Variants in RABGAP1L observed in about 807,000 individuals in gnomAD.
RABGAP1L encodes the protein rab GTPase-activating protein 1-like.
A neutral mutation model predicts 137.7 loss-of-function variants in RABGAP1L; 63 were observed. The ratio of observed to expected loss-of-function variants is 0.46; its 90% CI spans 0.37 to 0.56. The LOEUF is 0.56. Among genes scored for constraint, RABGAP1L ranks in the 20% least tolerant of loss-of-function variants. RABGAP1L has a pLI of 0.00. For missense variants in RABGAP1L, 1,095 were observed against 1,244.0 expected, an observed-to-expected ratio of 0.88 and a Z score of 1.80; for synonymous variants, 431 against 433.7, an observed-to-expected ratio of 0.99 and a Z score of 0.08.
chr1:174,406,092 T>C (rs1007043299), intron 13 of RABGAP1L, among the ~76,000 whole-genome samples: 1 of 152,176 alleles, frequency 6.6e-6, no homozygotes, highest in Non-Finnish European at 1.5e-5. Flanking sequence ...TATATTTGCT[T>C]ATGGTTAATT....
intron 19 of RABGAP1L, among the ~76,000 whole-genome samples, chr1:174,933,052 CAG>C (rs1664110262): frequency 6.6e-6 from 1 of 152,126 alleles, no homozygotes. Flanking sequence ...TCTCAGCAGA[CAG>C]AACTAGGGAC....
At chr1:174,892,812 C>T (rs1379337801) in intron 19 of RABGAP1L, 7 of 296,930 alleles carry the variant, frequency 2.4e-5, no homozygotes, top group Non-Finnish European at 3.9e-5. Context: ...TCACTGCAAC[C>T]TCCGCCTCCC....
At chr1:174,500,906 A>G (rs1256845134) in intron 13 of RABGAP1L, among the ~76,000 whole-genome samples, 1 of 152,140 alleles carries the variant, frequency 6.6e-6, no homozygotes, top group Non-Finnish European at 1.5e-5. Context: ...AATCATTGAG[A>G]CTGTCTTTTT....
At position 174,605,232 on chromosome 1, in the gene RABGAP1L, C is replaced by T. The variant is rs1342876010; in HGVS notation, c.1711-32143C>T. 2.6e-5 allele frequency among the ~76,000 whole-genome samples: 4 copies of T among 152,280 alleles called. No individual in the cohort carries two copies. In the East Asian group the frequency reaches 7.7e-4, roughly 29 times the overall value. ...GTTTGATGGGAGGAATGAGCAGGAA[C>T]ACTTGTCATGGTGAGGAGGGACCCT... On this transcript the variant is annotated intron_variant, in intron 13 of 25. Transcript: ENST00000681986.
intron 1 of RABGAP1L, among the ~76,000 whole-genome samples, chr1:174,193,866 G>C (rs1367489221): frequency 6.6e-6 from 1 of 152,148 alleles, no homozygotes; most frequent in Non-Finnish European, 1.5e-5. Flanking sequence ...CATATACATA[G>C]TTAAATGATT....
intron 19 of RABGAP1L, among the ~76,000 whole-genome samples, chr1:174,824,100 G>T (rs1691321330): frequency 6.6e-6 from 1 of 152,028 alleles, no homozygotes; most frequent in South Asian, 2.1e-4. Context: ...GACCAGCTTG[G>T]CCAACAGGGT....
intron 13 of RABGAP1L, among the ~76,000 whole-genome samples, chr1:174,590,132 T>C (rs1392946775): frequency 5.2e-5 from 6 of 114,846 alleles, no homozygotes; most frequent in East Asian, 8.3e-4. Context: ...TCTTTTTTTT[T>C]TTTTTTTTTT....
chr1:174,800,259 C>T lies in RABGAP1L; in HGVS notation c.2212-11573C>T, dbSNP rs1027013814. 6.1e-6 allele frequency: 9 copies of T among 1,470,646 alleles called. No individual in the cohort carries two copies. In the African/African-American group the frequency reaches 7.1e-5, roughly 12 times the overall value. The allele number at this position is 1,470,646 out of a possible 1,614,324, so 91.1% of individuals were successfully genotyped here. ...CTCCCAGGGAGACCTAAACCTGGCT[C>T]CCCTCCCACCGCAGTTCTTAATATT... On this transcript the variant is annotated intron_variant, in intron 18 of 25. Transcript: ENST00000681986.
chr1:174,807,326 T>G (rs1689408322), intron 18 of RABGAP1L, among the ~76,000 whole-genome samples: 1 of 152,162 alleles, frequency 6.6e-6, no homozygotes, highest in African/African-American at 2.4e-5. Flanking sequence ...TACACATACA[T>G]ATGTACGAAT....
At chr1:174,656,232 G>A (rs1052772451) in intron 14 of RABGAP1L, among the ~76,000 whole-genome samples, 1 of 152,172 alleles carries the variant, frequency 6.6e-6, no homozygotes, top group East Asian at 1.9e-4. Flanking sequence ...CACGGCGGGT[G>A]GATGACCTGA....
intron 18 of RABGAP1L, among the ~76,000 whole-genome samples, chr1:174,752,763 A>G (rs971046017): frequency 6.6e-6 from 1 of 152,202 alleles, no homozygotes; most frequent in African/African-American, 2.4e-5. Context: ...TTTATAATAT[A>G]CTGACTAAAA....
At chr1:174,925,317 C>CAGCCT (rs1372230375) in intron 19 of RABGAP1L, among the ~76,000 whole-genome samples, 1 of 134,376 alleles carries the variant, frequency 7.4e-6, no homozygotes, top group African/African-American at 2.8e-5. Context: ...CACTGCACTC[C>CAGCCT]AGCCTGGGAG....
At chr1:174,171,926 G>T (rs967701567) in intron 1 of RABGAP1L, among the ~76,000 whole-genome samples, 1 of 152,046 alleles carries the variant, frequency 6.6e-6, no homozygotes, top group Non-Finnish European at 1.5e-5. Flanking sequence ...GTTTTAACCC[G>T]GGAGGCGGAG....
chr1:174,296,829 C>T (rs926943751), intron 10 of RABGAP1L, among the ~76,000 whole-genome samples: 7 of 152,092 alleles, frequency 4.6e-5, no homozygotes, highest in Non-Finnish European at 7.4e-5. Flanking sequence ...GCTATTATTT[C>T]TTCTCCTGTT....
At chr1:174,652,535 A>C (rs1168576770) in intron 14 of RABGAP1L, among the ~76,000 whole-genome samples, 1 of 151,956 alleles carries the variant, frequency 6.6e-6, no homozygotes, top group African/African-American at 2.4e-5. Flanking sequence ...TCTGTTTGTT[A>C]GTTTTCCTCT....
At chr1:174,816,434 C>G (rs1180567708) in intron 19 of RABGAP1L, among the ~76,000 whole-genome samples, 9 of 152,118 alleles carry the variant, frequency 5.9e-5, no homozygotes, top group Non-Finnish European at 1.3e-4. Flanking sequence ...GCGTGAGCCA[C>G]CACACCAGGC....
rs1013237577 is a variant in RABGAP1L, at chr1:174,464,821, A to G, written c.1710+70676A>G. ...CTTCTTTTTTTGAATCTTTATGTAT[A>G]GTTTTATTATATTCTCTATGTGCTT... On this transcript the variant is annotated intron_variant, in intron 13 of 25. Coordinates refer to ENST00000681986, the MANE Select transcript of RABGAP1L (RefSeq NM_001366446.1). Among the ~76,000 whole-genome samples, 3 of 151,396 alleles carry G rather than the reference A, an allele frequency of 2.0e-5. 1 individual carries two copies. The South Asian group carries it at 6.3e-4, about 32-fold the overall frequency.
At chr1:174,238,082 A>T (rs1165548830) in intron 4 of RABGAP1L, among the ~76,000 whole-genome samples, 1 of 151,984 alleles carries the variant, frequency 6.6e-6, no homozygotes, top group Non-Finnish European at 1.5e-5. Flanking sequence ...AGGCTTCTGC[A>T]TTATTCACGT....
chr1:174,234,878 A>T (rs1032372074), intron 4 of RABGAP1L, among the ~76,000 whole-genome samples: 6 of 141,594 alleles, frequency 4.2e-5, no homozygotes, highest in African/African-American at 1.7e-4. Context: ...TTTTCATGAT[A>T]TTGATTCTTC....
Sources: gnomAD v4.1 joint callset for allele counts (sites outside exome capture counted in the v4.1 genomes callset) on GRCh38, gnomAD v4.1.1 for gene constraint, MANE v1.5 for transcripts, NCBI Gene and HGNC (gene_info 2026-07-23, HGNC 2026-07-21) for gene names.